Variants in WDPCP observed in about 807,000 individuals in gnomAD.
WDPCP encodes WD repeat-containing and planar cell polarity effector protein fritz homolog.
WDPCP carries 71 observed loss-of-function variants against 93.1 expected under a neutral mutation model. That is an observed-to-expected ratio of 0.76 (90% CI 0.63 to 0.93). WDPCP has a LOEUF of 0.93. WDPCP is among the 40% of genes least tolerant of loss of function. WDPCP has a pLI of 0.00. For synonymous variants in WDPCP, 315 were observed against 315.0 expected (o/e 1.00, Z 0.00); for missense variants, 844 against 887.4 (o/e 0.95, Z 0.62).
intron 2 of WDPCP, among the ~76,000 whole-genome samples, chr2:63,672,039 C>G (rs1163738552): frequency 6.6e-6 from 1 of 152,182 alleles, no homozygotes; most frequent in Non-Finnish European, 1.5e-5. Context: ...TCAAATTCCA[C>G]TAGAAAGAAG....
rs548663714 is a variant in WDPCP, at chr2:63,475,469, A to G, written c.384+9135T>C. 8.5e-5 allele frequency among the ~76,000 whole-genome samples: 13 copies of G among 152,276 alleles called. No homozygotes were observed. In the East Asian group the frequency reaches 2.1e-3, roughly 25 times the overall value. On this transcript the variant is annotated intron_variant, in intron 6 of 17. Coordinates refer to ENST00000272321, the MANE Select transcript of WDPCP (RefSeq NM_015910.7). ...AACTTTAGATACTGTATCAACAAAT[A>G]TAACATTTAATATCAAATTATCCTT...
chr2:63,786,045 C>A (rs1029185312), intron 2 of WDPCP, among the ~76,000 whole-genome samples: 7 of 152,004 alleles, frequency 4.6e-5, no homozygotes, highest in Non-Finnish European at 8.8e-5. Flanking sequence ...TTGGTTTTTT[C>A]TTCTTTTTTT....
At chr2:63,820,430 T>G (rs897495282) in intron 1 of WDPCP, among the ~76,000 whole-genome samples, 2 of 152,122 alleles carry the variant, frequency 1.3e-5, no homozygotes, top group African/African-American at 4.8e-5. Context: ...GAGACCTAAC[T>G]AGCTAGAGGA....
chr2:63,585,982 A>G (rs1355658965), intron 1 of WDPCP, among the ~76,000 whole-genome samples: 1 of 151,952 alleles, frequency 6.6e-6, no homozygotes. Context: ...GCACAACACC[A>G]CACTCAGCTA....
At chr2:63,314,202 G>T (rs1212062577) in intron 12 of WDPCP, among the ~76,000 whole-genome samples, 2 of 150,500 alleles carry the variant, frequency 1.3e-5, no homozygotes, top group Admixed American at 6.6e-5. Context: ...TTTAATACAG[G>T]GTCTCACTCT....
chr2:63,807,877 A>G (rs910156130), intron 2 of WDPCP, among the ~76,000 whole-genome samples: 1 of 152,236 alleles, frequency 6.6e-6, no homozygotes, highest in African/African-American at 2.4e-5. Context: ...TTTAAAACCA[A>G]AAATTAAATT....
At chr2:63,289,852 T>C (rs1037634954) in intron 13 of WDPCP, among the ~76,000 whole-genome samples, 1 of 152,038 alleles carries the variant, frequency 6.6e-6, no homozygotes, top group Admixed American at 6.5e-5. Context: ...AATGTCTCTC[T>C]TATCTCTGGT....
intron 2 of WDPCP, among the ~76,000 whole-genome samples, chr2:63,809,928 A>G (rs547548015): frequency 6.6e-6 from 1 of 151,654 alleles, no homozygotes; most frequent in South Asian, 2.1e-4. Flanking sequence ...ATAAATAAAT[A>G]AAATTAAATT....
intron 2 of WDPCP, among the ~76,000 whole-genome samples, chr2:63,709,879 CT>C (rs1420008067): frequency 6.6e-6 from 1 of 152,088 alleles, no homozygotes; most frequent in Non-Finnish European, 1.5e-5. Flanking sequence ...ATGATTAGAG[CT>C]TTTGGGTTTG....
intron 13 of WDPCP, among the ~76,000 whole-genome samples, chr2:63,305,326 A>G (rs564561568): frequency 1.8e-4 from 27 of 152,148 alleles, no homozygotes; most frequent in Middle Eastern, 3.4e-3. Context: ...GGGTCAATAG[A>G]CACCTCATAC....
intron 1 of WDPCP, chr2:63,571,710 A>G (rs956932050): frequency 1.5e-5 from 7 of 451,868 alleles, no homozygotes; most frequent in Middle Eastern, 3.5e-4. Context: ...AGTTTTAAAT[A>G]TTCAAACATT....
intron 2 of WDPCP, among the ~76,000 whole-genome samples, chr2:63,811,434 T>C (rs891674588): frequency 6.6e-6 from 1 of 152,032 alleles, no homozygotes; most frequent in Non-Finnish European, 1.5e-5. Flanking sequence ...CTACAGGTGG[T>C]CTCTAGGTGC....
chr2:63,158,973 CAAAAAAAAAAAA>C (rs34001322), intron 15 of WDPCP, among the ~76,000 whole-genome samples: 19,857 of 61,876 alleles, frequency 0.32, 2,162 homozygotes, highest in Admixed American at 0.43. Context: ...CTCATCTCTA[CAAAAAAAAAAAA>C]AAAAAAAAAA....
At chr2:63,512,590 C>A (rs1428295557) in intron 1 of WDPCP, among the ~76,000 whole-genome samples, 1 of 152,088 alleles carries the variant, frequency 6.6e-6, no homozygotes, top group Non-Finnish European at 1.5e-5. Context: ...ATGTCCTTTG[C>A]AGGGGCATAG....
chr2:63,675,731 A>G (rs1710396542), intron 2 of WDPCP, among the ~76,000 whole-genome samples: 1 of 152,184 alleles, frequency 6.6e-6, no homozygotes, highest in Non-Finnish European at 1.5e-5. Flanking sequence ...CAATCTGTTT[A>G]ATAATTTATT....
chr2:63,349,895 G>A (rs1689458576), intron 12 of WDPCP, among the ~76,000 whole-genome samples: 1 of 152,116 alleles, frequency 6.6e-6, no homozygotes, highest in Non-Finnish European at 1.5e-5. Context: ...TCACATTCAG[G>A]GAATAGGCTA....
chr2:63,185,650 G>A (rs937731772), intron 14 of WDPCP, among the ~76,000 whole-genome samples: 1 of 152,144 alleles, frequency 6.6e-6, no homozygotes, highest in Non-Finnish European at 1.5e-5. Context: ...AAGTGCTATG[G>A]GCTTGTGTTA....
intron 15 of WDPCP, among the ~76,000 whole-genome samples, chr2:63,165,488 T>C (rs546243215): frequency 6.6e-6 from 1 of 152,044 alleles, no homozygotes; most frequent in East Asian, 1.9e-4. Context: ...TTTTTCTTTA[T>C]TTTCAATGCT....
intron 2 of WDPCP, among the ~76,000 whole-genome samples, chr2:63,808,970 T>G (rs1363833284): frequency 2.0e-5 from 3 of 150,416 alleles, no homozygotes; most frequent in Non-Finnish European, 3.0e-5. Context: ...TCATCTGAGA[T>G]GTGGGGAGCG....
Sources: allele counts gnomAD v4.1 joint callset (sites outside exome capture counted in the v4.1 genomes callset), GRCh38; gene constraint gnomAD v4.1.1; transcripts MANE v1.5; gene names NCBI Gene and HGNC (gene_info 2026-07-23, HGNC 2026-07-21).